Variants in PRKG1 observed in about 807,000 individuals in gnomAD.
PRKG1 encodes the protein protein kinase cGMP-dependent 1.
Under a neutral mutation model 88.1 loss-of-function variants are expected in PRKG1, and 35 were observed. The observed-to-expected ratio is 0.40, with a 90% CI of 0.30 to 0.53. The LOEUF is 0.53. PRKG1 is among the 20% of genes least tolerant of loss of function. PRKG1 has a pLI of 0.59. For missense variants in PRKG1, 540 were observed against 839.8 expected, an observed-to-expected ratio of 0.64 and a Z score of 4.41; for synonymous variants, 303 against 292.5, an observed-to-expected ratio of 1.04 and a Z score of -0.37.
chr10:51,585,555 C>T (rs1047778912), intron 3 of PRKG1, among the ~76,000 whole-genome samples: 16 of 152,110 alleles, frequency 1.1e-4, no homozygotes, highest in Admixed American at 3.9e-4. Flanking sequence ...TCTGCGAATT[C>T]CAGGAGCTTT....
intron 5 of PRKG1, among the ~76,000 whole-genome samples, chr10:51,936,664 A>G (rs946610293): frequency 2.0e-5 from 3 of 151,944 alleles, no homozygotes; most frequent in African/African-American, 7.2e-5. Context: ...CTAAAATTAT[A>G]ATTTTTTGTT....
At chr10:51,011,427 A>T (rs1177434660) in intron 1 of PRKG1, among the ~76,000 whole-genome samples, 1 of 152,174 alleles carries the variant, frequency 6.6e-6, no homozygotes, top group Admixed American at 6.5e-5. Flanking sequence ...ACCAAACAAA[A>T]TAAAAAAAAT....
At chr10:52,094,965 C>T (rs1269828121) in intron 7 of PRKG1, among the ~76,000 whole-genome samples, 1 of 152,150 alleles carries the variant, frequency 6.6e-6, no homozygotes. Flanking sequence ...AGGGTTCAAA[C>T]TCCTTGGGAC....
intron 3 of PRKG1, among the ~76,000 whole-genome samples, chr10:51,644,361 A>C (rs568256038): frequency 6.6e-6 from 1 of 152,030 alleles, no homozygotes; most frequent in Non-Finnish European, 1.5e-5. Flanking sequence ...CTTTTTTGTG[A>C]TGCAGTTCAC....
intron 4 of PRKG1, among the ~76,000 whole-genome samples, chr10:51,906,014 GAGATCGTGA>G (rs1269228854): frequency 6.6e-6 from 1 of 152,110 alleles, no homozygotes; most frequent in Non-Finnish European, 1.5e-5. Context: ...CGAGATTAAA[GAGATCGTGA>G]TAGGAGAACT....
chr10:51,115,056 C>G (rs1845080011), intron 1 of PRKG1, among the ~76,000 whole-genome samples: 3 of 151,994 alleles, frequency 2.0e-5, no homozygotes, highest in Non-Finnish European at 4.4e-5. Flanking sequence ...TGGCTCATGT[C>G]TGTAATCCCA....
intron 5 of PRKG1, among the ~76,000 whole-genome samples, chr10:51,992,348 T>C (rs1844333806): frequency 6.6e-6 from 1 of 152,162 alleles, no homozygotes; most frequent in Non-Finnish European, 1.5e-5. Context: ...GACTAAGTAT[T>C]TCCTGTTTCT....
chr10:51,237,567 G>A (rs1391938111), intron 2 of PRKG1, among the ~76,000 whole-genome samples: 2 of 152,186 alleles, frequency 1.3e-5, no homozygotes, highest in Non-Finnish European at 2.9e-5. Flanking sequence ...GACATACACA[G>A]CATTGACTGG....
At chr10:51,259,450 G>A (rs1839647365) in intron 2 of PRKG1, among the ~76,000 whole-genome samples, 1 of 152,034 alleles carries the variant, frequency 6.6e-6, no homozygotes, top group Non-Finnish European at 1.5e-5. Flanking sequence ...TAACCCTATG[G>A]GTTGGTATCA....
At chr10:51,094,543 A>AT (rs921774593) in intron 1 of PRKG1, among the ~76,000 whole-genome samples, 1,628 of 148,264 alleles carry the variant, frequency 0.011, 20 homozygotes, top group African/African-American at 0.037. Context: ...TAGAATCCAG[A>AT]TTTTTTTTTT....
chr10:51,111,944 C>T (rs573164215), intron 1 of PRKG1, among the ~76,000 whole-genome samples: 76 of 152,106 alleles, frequency 5.0e-4, no homozygotes, highest in Non-Finnish European at 8.2e-4. Flanking sequence ...TCTTGCCATG[C>T]TCTTGCCATG....
Position 50,991,457 on chromosome 10 carries a change from T to G in PRKG1, c.79T>G (p.Ser27Ala). The change falls in exon 1 of 18, where the codon TCA becomes GCA. Residue 27 changes from serine to alanine, a missense_variant. Ser to Ala is a moderately conservative substitution (Grantham distance 99). Coordinates refer to the PRKG1 transcript ENST00000401604. This position sits in a 1 kb window ranked among gnomAD's most constrained non-coding sequence, Gnocchi z 4.5. The stretch of plus-strand genomic sequence containing the variant: ...GATCAAAGAGCTGGAGAAGCGGCTG[T>G]CAGAGAAGGAGGAAGAAATTCAGGA... 1 of 1,605,818 alleles carries G rather than the reference T, an allele frequency of 6.2e-7. No homozygotes were observed.
chr10:51,764,691 A>G (rs576770477), intron 3 of PRKG1, among the ~76,000 whole-genome samples: 3 of 152,148 alleles, frequency 2.0e-5, no homozygotes, highest in African/African-American at 7.2e-5. Context: ...TCCTAAAGTA[A>G]GAATTAATGT....
At chr10:51,859,479 A>T (rs764761273) in intron 4 of PRKG1, among the ~76,000 whole-genome samples, 3 of 151,946 alleles carry the variant, frequency 2.0e-5, no homozygotes, top group Non-Finnish European at 4.4e-5. Context: ...AAAAAAAAAT[A>T]GATGCAGCCC....
At chr10:51,944,812 C>T (rs2133038419) in intron 5 of PRKG1, among the ~76,000 whole-genome samples, 2 of 152,082 alleles carry the variant, frequency 1.3e-5, no homozygotes, top group African/African-American at 4.8e-5. Flanking sequence ...GCACTGTGGT[C>T]TGAGAGATAG....
At chr10:51,022,043 T>A (rs1589111105) in intron 1 of PRKG1, among the ~76,000 whole-genome samples, 2 of 152,338 alleles carry the variant, frequency 1.3e-5, no homozygotes, top group Admixed American at 1.3e-4. Context: ...AAGCAACACA[T>A]CTCTTTATTT....
At chr10:51,132,728 G>T (rs1845599566) in intron 1 of PRKG1, among the ~76,000 whole-genome samples, 1 of 147,258 alleles carries the variant, frequency 6.8e-6, no homozygotes. Flanking sequence ...TATTATATAT[G>T]TAATATAATA....
At chr10:51,761,254 A>G (rs940268266) in intron 3 of PRKG1, among the ~76,000 whole-genome samples, 6 of 152,242 alleles carry the variant, frequency 3.9e-5, no homozygotes, top group African/African-American at 1.4e-4. Flanking sequence ...ATTGTTTTTT[A>G]ACTTTTAAAA....
intron 5 of PRKG1, among the ~76,000 whole-genome samples, chr10:52,009,395 C>A (rs1844825128): frequency 1.3e-5 from 2 of 151,930 alleles, no homozygotes; most frequent in South Asian, 4.1e-4. Context: ...AAGTCAAGAG[C>A]CAAATTAGGA....
Sources: allele counts gnomAD v4.1 joint callset (sites outside exome capture counted in the v4.1 genomes callset), GRCh38; gene constraint gnomAD v4.1.1; non-coding constraint Gnocchi (gnomAD v3.1); transcripts MANE v1.5; gene names NCBI Gene and HGNC (gene_info 2026-07-23, HGNC 2026-07-21).